RALGAPA1: variants seen among roughly 807,000 people sequenced by gnomAD.
RALGAPA1 encodes Ral GTPase activating protein catalytic subunit alpha 1, also known as ral GTPase-activating protein subunit alpha-1.
In RALGAPA1, 52 loss-of-function variants were observed where a neutral mutation model predicts 269.6. The observed-to-expected ratio is 0.19, with a 90% CI of 0.15 to 0.24. The LOEUF (loss-of-function observed/expected upper bound fraction) is 0.24. Ranked by LOEUF, RALGAPA1 falls within the 10% of genes least tolerant of loss-of-function variation. The pLI is 1.00. For synonymous variants in RALGAPA1, 817 were observed against 1,008.3 expected, an observed-to-expected ratio of 0.81 and a Z score of 3.60; for missense variants, 1,917 against 3,013.9, an observed-to-expected ratio of 0.64 and a Z score of 8.52.
chr14:35,549,065 T>G, intron 40 of RALGAPA1, 45 bp downstream of exon 40: 2 of 1,604,666 alleles, frequency 1.2e-6, no homozygotes, highest in Non-Finnish European at 1.7e-6. Context: ...GGTACTGCAT[T>G]TCAAGTTCCA....
intron 35 of RALGAPA1, among the ~76,000 whole-genome samples, chr14:35,623,061 C>T (rs1044322023): frequency 5.2e-5 from 6 of 115,968 alleles, no homozygotes; most frequent in African/African-American, 2.1e-4. Context: ...CCAGCCTGGG[C>T]AACAGAGGAA....
intron 41 of RALGAPA1, chr14:35,542,099 C>G (rs920806469): frequency 1.2e-6 from 1 of 860,956 alleles, no homozygotes; most frequent in African/African-American, 1.8e-5. Context: ...CTGTAAATAT[C>G]TACCTTTTAA....
intron 34 of RALGAPA1, among the ~76,000 whole-genome samples, chr14:35,626,865 T>C (rs979211282): frequency 6.6e-6 from 1 of 152,020 alleles, no homozygotes; most frequent in Non-Finnish European, 1.5e-5. Context: ...GTCAAATAGT[T>C]CCAGTAGTTA....
At chr14:35,758,272 C>T (rs1029062377) in intron 6 of RALGAPA1, among the ~76,000 whole-genome samples, 4 of 148,004 alleles carry the variant, frequency 2.7e-5, no homozygotes, top group Non-Finnish European at 6.0e-5. Flanking sequence ...AAAAACAAAC[C>T]GAAAAGAAAA....
In RALGAPA1 at chr14:35,650,110, G is replaced by A. The variant is rs1428281000; in HGVS notation, c.5676+1695C>T. ...ATGGAGGCCGGATGAGGTAGCTCAC[G>A]CCTGTAATCCCAGCACTTTGGGAGG... On this transcript the variant is annotated intron_variant, in intron 31 of 41. Transcript: ENST00000680220. Among the ~76,000 whole-genome samples, 3 of 152,120 alleles carry A rather than the reference G, an allele frequency of 2.0e-5. 1 individual carries two copies. The highest frequency in any genetic ancestry group is 4.1e-4 in the South Asian group (2 of 4,824).
chr14:35,725,068 T>C lies in RALGAPA1; in HGVS notation c.1822A>G (p.Lys608Glu). The C allele has an allele frequency of 1.2e-6, 2 of 1,606,488 alleles. No homozygotes were observed. The highest frequency in any genetic ancestry group is 1.7e-6 in the Non-Finnish European group (2 of 1,176,548). Residue 608 changes from lysine (K) to glutamate (E), a missense_variant, in exon 14 of 42, where the codon AAA becomes GAA. Lys to Glu is a moderately conservative substitution (Grantham distance 56). This residue lies in a region of RALGAPA1 where 462 missense variants were observed against 725.6 expected (regional missense o/e 0.64). Coordinates refer to ENST00000680220, the MANE Select transcript of RALGAPA1 (RefSeq NM_001346249.2). ...AGTCGACCTGCCAAGGTCATATTTT[T>C]TTTCCCTTGGAACTGTAGAAAAGCT... is the stretch of plus-strand genomic sequence containing the variant. ...SQAFLQFQGK[K>E]NMTLAGRLAG...
chr14:35,664,937 TA>T (rs2063814566), intron 26 of RALGAPA1, among the ~76,000 whole-genome samples, 170 bp from the exon 27 acceptor site: 1 of 152,214 alleles, frequency 6.6e-6, no homozygotes, highest in Non-Finnish European at 1.5e-5. Flanking sequence ...ACTTTCCACA[TA>T]AACTACTGTT....
intron 1 of RALGAPA1, among the ~76,000 whole-genome samples, chr14:35,798,936 T>C (rs186594417): frequency 5.3e-5 from 8 of 149,566 alleles, no homozygotes; most frequent in Middle Eastern, 3.5e-3. Flanking sequence ...GTGGAAGTAG[T>C]AGTGAGCCAA....
intron 12 of RALGAPA1, among the ~76,000 whole-genome samples, chr14:35,730,337 T>C (rs1315957540): frequency 6.6e-6 from 1 of 151,972 alleles, no homozygotes; most frequent in African/African-American, 2.4e-5. Flanking sequence ...GAGAAGGAAG[T>C]CTCCAGATGA....
At chr14:35,619,875 C>T (rs979523232) in intron 35 of RALGAPA1, among the ~76,000 whole-genome samples, 6 of 151,864 alleles carry the variant, frequency 4.0e-5, no homozygotes, top group African/African-American at 1.4e-4. Flanking sequence ...AAACCAAAAA[C>T]AGTCCAGGAC....
At chr14:35,787,744 T>C (rs1236784306) in intron 1 of RALGAPA1, among the ~76,000 whole-genome samples, 2 of 139,590 alleles carry the variant, frequency 1.4e-5, no homozygotes, top group Non-Finnish European at 3.1e-5. Flanking sequence ...CCCAGCTAAT[T>C]AAAAAAAAAA....
intron 35 of RALGAPA1, among the ~76,000 whole-genome samples, chr14:35,620,264 T>C (rs1333176456): frequency 2.2e-4 from 34 of 152,074 alleles, no homozygotes; most frequent in Admixed American, 2.2e-3. Flanking sequence ...AAAAACCACA[T>C]GATTATCTTA....
At chr14:35,648,364 G>A (rs1203467554) in intron 31 of RALGAPA1, among the ~76,000 whole-genome samples, 1 of 150,424 alleles carries the variant, frequency 6.6e-6, no homozygotes, top group Non-Finnish European at 1.5e-5. Flanking sequence ...TACTCAGGAG[G>A]CTGAGGCAGG....
At chr14:35,555,683 A>C (rs2055530991) in intron 39 of RALGAPA1, among the ~76,000 whole-genome samples, 1 of 152,194 alleles carries the variant, frequency 6.6e-6, no homozygotes, top group African/African-American at 2.4e-5. Flanking sequence ...GCTTGGTAAA[A>C]TTAGTTTATT....
chr14:35,807,026 T>C (rs1404378139), intron 1 of RALGAPA1, among the ~76,000 whole-genome samples: 2 of 152,238 alleles, frequency 1.3e-5, no homozygotes, highest in South Asian at 2.1e-4. Flanking sequence ...TAATTTTCCA[T>C]GTCTGCCAGA....
intron 34 of RALGAPA1, among the ~76,000 whole-genome samples, chr14:35,626,087 T>C (rs536669345): frequency 4.6e-5 from 7 of 152,290 alleles, no homozygotes; most frequent in African/African-American, 1.7e-4. Context: ...TATTTGGTCA[T>C]ACCATATGGC....
intron 16 of RALGAPA1, among the ~76,000 whole-genome samples, chr14:35,717,160 T>A (rs2068905335): frequency 6.6e-6 from 1 of 151,988 alleles, no homozygotes; most frequent in African/African-American, 2.4e-5. Flanking sequence ...TTCTATACCA[T>A]TTTTTTTGAG....
chr14:35,622,473 C>T (rs934051757), intron 35 of RALGAPA1, among the ~76,000 whole-genome samples: 2 of 152,134 alleles, frequency 1.3e-5, no homozygotes, highest in African/African-American at 2.4e-5. Context: ...TGTAACAAAC[C>T]TGCACGTTGT....
At chr14:35,611,017 G>T (rs2059897378) in intron 35 of RALGAPA1, among the ~76,000 whole-genome samples, 1 of 152,124 alleles carries the variant, frequency 6.6e-6, no homozygotes, top group South Asian at 2.1e-4. Context: ...TGGGCCTAAA[G>T]ACTTAATATT....
Sources: allele counts gnomAD v4.1 joint callset (sites outside exome capture counted in the v4.1 genomes callset), GRCh38; gene constraint gnomAD v4.1.1; regional missense constraint gnomAD v4.1.1; transcripts MANE v1.5; gene names NCBI Gene and HGNC (gene_info 2026-07-23, HGNC 2026-07-21).